The following RBL2 variants were observed in gnomAD, a reference collection of about 807,000 sequenced individuals.
RBL2 encodes the protein retinoblastoma-like protein 2.
In RBL2, 56 loss-of-function variants were observed where a neutral mutation model predicts 126.0. That is an observed-to-expected ratio of 0.44 (90% CI 0.36 to 0.56). The LOEUF is 0.56. RBL2 is among the 20% of genes least tolerant of loss of function. RBL2 has a pLI of 0.00. For missense variants in RBL2, 1,229 were observed against 1,398.2 expected (o/e 0.88, Z 1.93); for synonymous variants, 454 against 478.5 (o/e 0.95, Z 0.67).
intron 13 of RBL2, 69 bp from the exon 14 acceptor site, chr16:53,466,980 CTGCCTTAGA>C (rs1013416368): frequency 2.2e-6 from 2 of 890,554 alleles, no homozygotes; most frequent in African/African-American, 3.5e-5. Context: ...GATACTTTTT[CTGCCTTAGA>C]TTACTATTGT....
intron 2 of RBL2, among the ~76,000 whole-genome samples, chr16:53,440,614 C>T (rs572003826): frequency 2.0e-5 from 3 of 152,146 alleles, no homozygotes; most frequent in Non-Finnish European, 4.4e-5. Context: ...GGTGCAGGGG[C>T]GTGATCTCAG....
chr16:53,480,362 T>TCAG (rs1451445823), intron 19 of RBL2: 1 of 577,952 alleles, frequency 1.7e-6, no homozygotes, highest in African/African-American at 1.9e-5. Context: ...TGGACACTAC[T>TCAG]CAGAAAGCCC....
At chr16:53,459,088 C>CT (rs2058194831) in intron 8 of RBL2, among the ~76,000 whole-genome samples, 1 of 152,130 alleles carries the variant, frequency 6.6e-6, no homozygotes, top group Admixed American at 6.5e-5. Context: ...TGAGAATAAT[C>CT]TTAATTTTTC....
intron 17 of RBL2, among the ~76,000 whole-genome samples, chr16:53,477,823 A>G (rs1383302451): frequency 2.0e-5 from 3 of 152,028 alleles, no homozygotes; most frequent in African/African-American, 7.2e-5. Context: ...TGATTTTTTA[A>G]TCAGTTAAGA....
chr16:53,467,032 C>A, intron 13 of RBL2, 26 bp from the exon 14 acceptor site: 1 of 1,539,616 alleles, frequency 6.5e-7, no homozygotes, highest in African/African-American at 1.4e-5. Context: ...TGGATACTGG[C>A]ATTCTGTGTA....
intron 8 of RBL2, among the ~76,000 whole-genome samples, chr16:53,457,414 C>T (rs1462596790): frequency 6.6e-6 from 1 of 151,764 alleles, no homozygotes; most frequent in Non-Finnish European, 1.5e-5. Context: ...TGCCTGCCAC[C>T]ATGCCCAGCT....
chr16:53,457,277 T>TTTTTTTTTTTTG (rs1213898728), intron 8 of RBL2, among the ~76,000 whole-genome samples: 3 of 139,880 alleles, frequency 2.1e-5, no homozygotes, highest in Non-Finnish European at 4.7e-5. Context: ...TTTTTTTTTT[T>TTTTTTTTTTTTG]GAGATGGAGT....
Position 53,442,811 on chromosome 16 carries a change from A to C in RBL2, c.525A>C (p.Lys175Asn). The change falls in exon 3 of 22, where the codon AAA (lysine) becomes AAC (asparagine). Residue 175 changes from lysine (K) to asparagine (N), a missense_variant. Transcript: ENST00000262133. ...KYEPIFQDIF[K>N]YPQEEQPRQQ... ...AACCCATTTTTCAGGACATCTTTAA[A>C]TACCCTCAAGAGGAGCAACCTCGTC... is the stretch of plus-strand genomic sequence containing the variant. 1 of 1,613,648 alleles carries C rather than the reference A, an allele frequency of 6.2e-7. No individual in the cohort carries two copies.
Position 53,438,514 on chromosome 16 carries a change from C to T in RBL2, c.241-502C>T, listed in dbSNP as rs182428655. Among the ~76,000 whole-genome samples, 3 of 152,220 alleles carry T rather than the reference C, an allele frequency of 2.0e-5. No individual in the cohort carries two copies. The East Asian group carries it at 5.8e-4, about 29-fold the overall frequency. The stretch of plus-strand genomic sequence containing the variant: ...GTCCAAGGTGAGGGAACCCTCTCTA[C>T]CTCTCAGTGGAATAATGTTAATGTC... On this transcript the variant is annotated intron_variant, in intron 1 of 21. Coordinates refer to ENST00000262133, the MANE Select transcript of RBL2 (RefSeq NM_005611.4).
chr16:53,451,926 A>G (rs2058118867), intron 5 of RBL2, 95 bp downstream of exon 5: 1 of 1,398,282 alleles, frequency 7.2e-7, no homozygotes. Context: ...AGTATTTTGA[A>G]GAGCTCCTGT....
chr16:53,443,029 C>T (rs2058030745), intron 3 of RBL2, among the ~76,000 whole-genome samples, 171 bp downstream of exon 3: 1 of 151,850 alleles, frequency 6.6e-6, no homozygotes, highest in South Asian at 2.1e-4. Context: ...GTGGGTTAGC[C>T]ATGAAGAGTG....
intron 14 of RBL2, among the ~76,000 whole-genome samples, chr16:53,467,654 C>T (rs947970678): frequency 1.3e-5 from 2 of 152,186 alleles, no homozygotes; most frequent in South Asian, 4.1e-4. Flanking sequence ...TCCCAAAGTG[C>T]TGGAATTACA....
At chr16:53,446,698 T>G (rs959783312) in intron 3 of RBL2, among the ~76,000 whole-genome samples, 1 of 152,204 alleles carries the variant, frequency 6.6e-6, no homozygotes, top group Non-Finnish European at 1.5e-5. Context: ...AATAAGGACA[T>G]ATCTGACTGC....
intron 13 of RBL2, 48 bp from the exon 14 acceptor site, chr16:53,467,010 A>G: frequency 7.4e-7 from 1 of 1,346,896 alleles, no homozygotes; most frequent in Non-Finnish European, 1.1e-6. Flanking sequence ...ATTTGTAATT[A>G]AAGTGCTTTT....
Position 53,444,408 on chromosome 16 carries a change from C to T in RBL2, c.572+1550C>T, listed in dbSNP as rs142345856. Among the ~76,000 whole-genome samples, 1,282 of 151,102 alleles carry T rather than the reference C, an allele frequency of 8.5e-3. 22 individuals carry two copies. The highest frequency in any genetic ancestry group is 0.029 in the African/African-American group (1,195 of 41,108). The stretch of plus-strand genomic sequence containing the variant: ...TCTCTACTAAAAATAAAAAAATTAG[C>T]GGGGTGTGGTGGTGGGTGCCTGTAA... On this transcript the variant is annotated intron_variant, in intron 3 of 21. Transcript: ENST00000262133.
rs2058224464 is a variant in RBL2 at position 53,461,850 on chromosome 16, G to A, written c.1456G>A (p.Glu486Lys). 1 of 1,603,778 alleles carries A rather than the reference G, an allele frequency of 6.2e-7. No individual in the cohort carries two copies. Among genetic ancestry groups the A allele is most frequent in the Non-Finnish European group, 8.5e-7 (1 of 1,171,342 alleles). ...PDEDFSNCAK[E>K]IASKHFRFAE... ...CGAGGATTTCAGTAATTGTGCTAAA[G>A]GTAAGGTTTAACATTGTTATTCTGC... The change falls in exon 10 of 22, where the codon GAA becomes AAA. Residue 486 changes from glutamate (E) to lysine (K), a missense_variant and splice_region_variant. Coordinates refer to ENST00000262133, the MANE Select transcript of RBL2 (RefSeq NM_005611.4).
chr16:53,479,282 A>C, intron 18 of RBL2, 57 bp downstream of exon 18: 5 of 1,492,704 alleles, frequency 3.3e-6, no homozygotes, highest in Middle Eastern at 1.7e-4. Flanking sequence ...TGATGAATAC[A>C]AAAAATTAAC....
intron 3 of RBL2, 143 bp downstream of exon 3, chr16:53,443,001 C>A: frequency 1.6e-6 from 1 of 639,778 alleles, no homozygotes; most frequent in Non-Finnish European, 2.5e-6. Context: ...TTTAATGATG[C>A]TTTTTTTGCT....
chr16:53,434,514 G>A lies in RBL2; in HGVS notation c.-43G>A, dbSNP rs778669671. On this transcript the variant is annotated 5_prime_UTR_variant, in exon 1 of 22. Coordinates refer to ENST00000262133, the MANE Select transcript of RBL2 (RefSeq NM_005611.4). ...TCGCCGTTTGAATGGCTGCGGGCCCGGGCCCTCACCTCACCTGAGGTCCGG... is the reference window on the plus strand; with the variant it reads ...TCGCCGTTTGAATGGCTGCGGGCCCAGGCCCTCACCTCACCTGAGGTCCGG... 3 of 1,369,118 alleles carry A rather than the reference G, an allele frequency of 2.2e-6. No individual in the cohort carries two copies. Among genetic ancestry groups the A allele is most frequent in the South Asian group, 1.8e-5 (1 of 57,108 alleles). 84.8% of individuals were successfully genotyped at this position (1,369,118 alleles called of 1,614,324 possible).
Sources: allele counts gnomAD v4.1 joint callset (sites outside exome capture counted in the v4.1 genomes callset), GRCh38; gene constraint gnomAD v4.1.1; transcripts MANE v1.5; gene names NCBI Gene and HGNC (gene_info 2026-07-23, HGNC 2026-07-21).